Variants in AACS observed in about 807,000 individuals in gnomAD.
AACS encodes the protein acetoacetate-CoA ligase.
AACS carries 69 observed loss-of-function variants against 83.1 expected under a neutral mutation model. The observed-to-expected ratio is 0.83, with a 90% CI of 0.68 to 1.01. AACS has a LOEUF of 1.01. Ranked by LOEUF, AACS falls within the 50% of genes least tolerant of loss-of-function variation. The pLI is 0.00. For synonymous variants in AACS, 333 were observed against 343.4 expected (o/e 0.97, Z 0.33); for missense variants, 866 against 882.2 (o/e 0.98, Z 0.23).
intron 5 of AACS, among the ~76,000 whole-genome samples, chr12:125,099,047 A>G (rs548504177): frequency 1.3e-5 from 2 of 152,330 alleles, no homozygotes; most frequent in South Asian, 2.1e-4. Flanking sequence ...ATGTGCCGTC[A>G]GGTGTCTGCC....
intron 3 of AACS, among the ~76,000 whole-genome samples, chr12:125,085,085 TG>T (rs1249514598): frequency 6.6e-6 from 1 of 151,598 alleles, no homozygotes; most frequent in Non-Finnish European, 1.5e-5. Flanking sequence ...GTGGGGGTGG[TG>T]TAGGGGTCAG....
intron 7 of AACS, 68 bp from the exon 8 acceptor site, chr12:125,107,053 G>A: frequency 6.2e-7 from 1 of 1,601,542 alleles, no homozygotes; most frequent in Non-Finnish European, 8.5e-7. Flanking sequence ...GTGCACGGGT[G>A]GAATCAGTGG....
chr12:125,088,892 C>CT (rs1956399212), intron 4 of AACS, among the ~76,000 whole-genome samples: 1 of 152,176 alleles, frequency 6.6e-6, no homozygotes, highest in East Asian at 1.9e-4. Context: ...GGATTTGGGA[C>CT]TTTGAGTTTT....
chr12:125,132,639 G>C (rs758589453), intron 14 of AACS, among the ~76,000 whole-genome samples: 5 of 152,142 alleles, frequency 3.3e-5, no homozygotes, highest in Non-Finnish European at 7.4e-5. Context: ...AAAAGAATTG[G>C]TTTCATTCTC....
chr12:125,095,853 C>T (rs183447957), intron 5 of AACS, among the ~76,000 whole-genome samples: 4 of 152,346 alleles, frequency 2.6e-5, no homozygotes, highest in East Asian at 1.9e-4. Flanking sequence ...AGCACCAGCA[C>T]CCACATCAGA....
intron 1 of AACS, among the ~76,000 whole-genome samples, chr12:125,069,202 A>G (rs886897003): frequency 6.6e-6 from 1 of 152,170 alleles, no homozygotes; most frequent in Non-Finnish European, 1.5e-5. Flanking sequence ...TCTGTGTCCC[A>G]GCAGAGGCTC....
At chr12:125,092,870 G>A (rs1409243323) in intron 5 of AACS, among the ~76,000 whole-genome samples, 1 of 152,186 alleles carries the variant, frequency 6.6e-6, no homozygotes, top group Non-Finnish European at 1.5e-5. Flanking sequence ...AGCCGACCTT[G>A]AGCCAGGCTG....
intron 14 of AACS, among the ~76,000 whole-genome samples, chr12:125,131,404 G>T (rs1226415306): frequency 2.0e-5 from 3 of 151,870 alleles, no homozygotes; most frequent in African/African-American, 7.3e-5. Context: ...TAGAGATGAG[G>T]TCCCTCTATG....
intron 4 of AACS, among the ~76,000 whole-genome samples, chr12:125,089,661 C>T (rs1351769970): frequency 3.3e-5 from 5 of 152,082 alleles, no homozygotes; most frequent in Non-Finnish European, 7.4e-5. Flanking sequence ...ATCCAACCAA[C>T]CATCCACCAG....
intron 10 of AACS, chr12:125,121,104 TG>T (rs150750396): frequency 1.3e-5 from 2 of 152,360 alleles, no homozygotes; most frequent in African/African-American, 4.8e-5. Flanking sequence ...GATTGAGGTG[TG>T]GTCGTGCTGT....
intron 17 of AACS, 97 bp downstream of exon 17, chr12:125,136,961 A>G: frequency 5.4e-6 from 7 of 1,307,662 alleles, no homozygotes; most frequent in South Asian, 2.7e-5. Context: ...CCGGTGCTTT[A>G]TATATCGTTT....
chr12:125,108,820 G>A (rs796614175), intron 8 of AACS, among the ~76,000 whole-genome samples: 31 of 149,456 alleles, frequency 2.1e-4, no homozygotes, highest in African/African-American at 6.9e-4. Flanking sequence ...GGCGTGTGCC[G>A]CTATGCCCTA....
chr12:125,083,412 C>T (rs893129546), intron 3 of AACS, among the ~76,000 whole-genome samples: 7 of 149,150 alleles, frequency 4.7e-5, no homozygotes, highest in African/African-American at 1.7e-4. Context: ...TGAATACCAG[C>T]GGGCAGGAGT....
intron 5 of AACS, chr12:125,102,242 G>T: frequency 6.0e-6 from 1 of 166,948 alleles, no homozygotes; most frequent in Non-Finnish European, 1.3e-5. Context: ...GTAGAGATGG[G>T]GTTTCACCAT....
chr12:125,105,839 G>A (rs781215781), intron 7 of AACS: 2 of 152,198 alleles, frequency 1.3e-5, no homozygotes, highest in African/African-American at 4.8e-5. Context: ...GACAGAAAAG[G>A]CTTTTCTCTG....
At chr12:125,102,966 GT>G in intron 6 of AACS, 33 bp from the exon 7 acceptor site, 1 of 1,576,948 alleles carries the variant, frequency 6.3e-7, no homozygotes. Flanking sequence ...TCTTTGTCCT[GT>G]AACCTTGTGT....
At chr12:125,066,356 G>A (rs1241121187) in intron 1 of AACS, among the ~76,000 whole-genome samples, 1 of 151,648 alleles carries the variant, frequency 6.6e-6, no homozygotes, top group Non-Finnish European at 1.5e-5. Context: ...TCTCCGTGGG[G>A]TAACCGCTCC....
At chr12:125,128,097 A>T (rs1957273865) in intron 12 of AACS, 64 bp from the exon 13 acceptor site, 1 of 1,264,438 alleles carries the variant, frequency 7.9e-7, no homozygotes, top group Admixed American at 2.1e-5. Flanking sequence ...TTTGTTGCTC[A>T]CTAATTTAAC....
chr12:125,102,656 T>C, intron 5 of AACS, 23 bp from the exon 6 acceptor site: 1 of 1,609,676 alleles, frequency 6.2e-7, no homozygotes, highest in Non-Finnish European at 8.5e-7. Context: ...TGATCAATGA[T>C]GACTTTTTCC....
Sources: allele counts gnomAD v4.1 joint callset (sites outside exome capture counted in the v4.1 genomes callset), GRCh38; gene constraint gnomAD v4.1.1; transcripts MANE v1.5; gene names NCBI Gene and HGNC (gene_info 2026-07-23, HGNC 2026-07-21).